The following CCNH variants were observed in gnomAD, a reference collection of about 807,000 sequenced individuals.
The protein encoded by CCNH is cyclin H.
Under a neutral mutation model 41.9 loss-of-function variants are expected in CCNH, and 31 were observed. That is an observed-to-expected ratio of 0.74 (90% confidence interval 0.56 to 1.00). The LOEUF (loss-of-function observed/expected upper bound fraction) is 1.00. CCNH is among the 50% of genes least tolerant of loss of function. The pLI is 0.00. For missense variants in CCNH, 362 were observed against 388.4 expected (o/e 0.93, Z 0.57); for synonymous variants, 138 against 136.1 (o/e 1.01, Z -0.10).
rs1418557506 is a variant in CCNH, at chr5:87,322,118, C to T, written c.*91-3221G>A. 4.6e-5 allele frequency among the ~76,000 whole-genome samples: 7 copies of T among 152,086 alleles called. No individual in the cohort carries two copies. In the East Asian group the frequency reaches 1.4e-3, roughly 29 times the overall value. On this transcript the variant is annotated intron_variant and NMD_transcript_variant, in intron 9 of 9. Coordinates refer to the CCNH transcript ENST00000645953. ...GGATCCCTCATGAATGGTTTGCTGC[C>T]CTCCCCTGTGGTAATGAGTTCAAGT... is the stretch of plus-strand genomic sequence containing the variant.
At chr5:87,342,432 T>TA in intron 9 of CCNH, among the ~76,000 whole-genome samples, 1 of 152,336 alleles carries the variant, frequency 6.6e-6, no homozygotes, top group Admixed American at 6.5e-5. Flanking sequence ...GTGCTGGAAT[T>TA]ACAGGCATGA....
downstream of CCNH, chr5:87,389,231 T>C: frequency 1.3e-6 from 1 of 773,070 alleles, no homozygotes; most frequent in Non-Finnish European, 2.0e-6. Context: ...CTTGGGAGGC[T>C]GAGGCAGGAG....
At chr5:87,386,575 G>GT (rs1368357896), downstream of CCNH, among the ~76,000 whole-genome samples, 3 of 151,900 alleles carry the variant, frequency 2.0e-5, no homozygotes, top group African/African-American at 7.2e-5. Context: ...ATACTCCTCA[G>GT]TATAGCCATT....
At chr5:87,362,901 TCTTTC>T (rs1460496598) in intron 9 of CCNH, among the ~76,000 whole-genome samples, 2 of 151,506 alleles carry the variant, frequency 1.3e-5, no homozygotes, top group African/African-American at 4.8e-5. Flanking sequence ...TTTCTTTCTT[TCTTTC>T]TTTTTTTTTT....
intron 9 of CCNH, among the ~76,000 whole-genome samples, chr5:87,368,358 C>T (rs565555404): frequency 3.9e-5 from 6 of 152,086 alleles, no homozygotes; most frequent in African/African-American, 1.4e-4. Context: ...TTTTCTTAAA[C>T]ATTTTAATTA....
downstream of CCNH, among the ~76,000 whole-genome samples, chr5:87,393,198 A>G (rs570768244): frequency 1.3e-5 from 2 of 152,170 alleles, no homozygotes; most frequent in South Asian, 2.1e-4. Flanking sequence ...ACCTTTCTGG[A>G]AAGTACAGCC....
downstream of CCNH, among the ~76,000 whole-genome samples, chr5:87,314,672 A>G (rs1283927981): frequency 6.6e-6 from 1 of 152,186 alleles, no homozygotes; most frequent in African/African-American, 2.4e-5. Context: ...AATGGCAAGT[A>G]AAGATGAGAA....
downstream of CCNH, chr5:87,389,385 C>T (rs369251473): frequency 4.4e-5 from 71 of 1,613,934 alleles, no homozygotes; most frequent in African/African-American, 8.8e-4. Flanking sequence ...TTTACGATTC[C>T]CTTAAAGAAT....
chr5:87,381,219 C>A (rs1761691794), upstream of CCNH, among the ~76,000 whole-genome samples: 1 of 152,150 alleles, frequency 6.6e-6, no homozygotes, highest in Admixed American at 6.5e-5. Context: ...AATGAAGAAG[C>A]AGATCTGTCT....
chr5:87,389,968 G>GCT (rs1762371149), downstream of CCNH, among the ~76,000 whole-genome samples: 1 of 152,154 alleles, frequency 6.6e-6, no homozygotes, highest in Non-Finnish European at 1.5e-5. Flanking sequence ...CAGAGGTTCT[G>GCT]AAGTGTGGCC....
intron 9 of CCNH, among the ~76,000 whole-genome samples, chr5:87,327,746 C>T (rs1210701696): frequency 1.3e-5 from 2 of 152,136 alleles, no homozygotes; most frequent in Non-Finnish European, 2.9e-5. Flanking sequence ...AGGCAGATTA[C>T]CTGAGGTCAG....
intron 9 of CCNH, among the ~76,000 whole-genome samples, chr5:87,333,572 T>C (rs1184327720): frequency 6.6e-6 from 1 of 152,168 alleles, no homozygotes; most frequent in Admixed American, 6.5e-5. Context: ...TTAGGTTTTA[T>C]TCCACTGTCT....
downstream of CCNH, among the ~76,000 whole-genome samples, chr5:87,316,534 G>T (rs915273183): frequency 6.6e-6 from 1 of 151,924 alleles, no homozygotes; most frequent in African/African-American, 2.4e-5. Context: ...TATTTCATGT[G>T]TCAGGATTGC....
chr5:87,393,227 A>G (rs1762649799), downstream of CCNH, among the ~76,000 whole-genome samples: 2 of 152,114 alleles, frequency 1.3e-5, no homozygotes, highest in Non-Finnish European at 2.9e-5. Context: ...ACTGAGACTG[A>G]GGAGGTGTGT....
chr5:87,326,431 G>A (rs563287152), intron 9 of CCNH, among the ~76,000 whole-genome samples: 1 of 151,964 alleles, frequency 6.6e-6, no homozygotes, highest in Non-Finnish European at 1.5e-5. Flanking sequence ...TGAAATTAAG[G>A]GACTCCATAT....
downstream of CCNH, chr5:87,394,236 G>C: frequency 1.6e-6 from 2 of 1,221,446 alleles, no homozygotes; most frequent in East Asian, 3.3e-5. Context: ...TATTAGTCAC[G>C]ATGGAATAAG....
upstream of CCNH, chr5:87,378,637 T>C (rs1310828800): frequency 7.9e-7 from 1 of 1,272,162 alleles, no homozygotes; most frequent in Non-Finnish European, 1.1e-6. Flanking sequence ...ATATTAAATT[T>C]CTAAAATTAT....
intron 9 of CCNH, chr5:87,332,628 G>A: frequency 6.2e-7 from 1 of 1,610,502 alleles, no homozygotes; most frequent in Non-Finnish European, 8.5e-7. Flanking sequence ...ACTTTACCCA[G>A]TTGCACCACC....
chr5:87,363,198 A>T, intron 9 of CCNH: 1 of 718,400 alleles, frequency 1.4e-6, no homozygotes, highest in Non-Finnish European at 2.3e-6. Context: ...GATTTGTTAT[A>T]GGCATTTTCT....
Sources: gnomAD v4.1 joint callset for allele counts (sites outside exome capture counted in the v4.1 genomes callset) on GRCh38, gnomAD v4.1.1 for gene constraint, MANE v1.5 for transcripts, NCBI Gene and HGNC (gene_info 2026-07-23, HGNC 2026-07-21) for gene names.